CLASP2: variants seen among roughly 807,000 people sequenced by gnomAD.
CLASP2 encodes the protein cytoplasmic linker associated protein 2.
In CLASP2, 47 loss-of-function variants were observed where a neutral mutation model predicts 194.4. The ratio of observed to expected loss-of-function variants is 0.24; its 90% confidence interval spans 0.19 to 0.31. The LOEUF is 0.31. CLASP2 is among the 10% of genes least tolerant of loss of function. The probability of loss-of-function intolerance (pLI) is 1.00; values close to 1 mark genes in which losing one functional copy is unlikely to be tolerated. For synonymous variants in CLASP2, 619 were observed against 633.5 expected, an observed-to-expected ratio of 0.98 and a Z score of 0.34; for missense variants, 1,445 against 1,823.6, an observed-to-expected ratio of 0.79 and a Z score of 3.78.
At chr3:33,586,275 T>C (rs2067341016) in intron 21 of CLASP2, among the ~76,000 whole-genome samples, 1 of 152,094 alleles carries the variant, frequency 6.6e-6, no homozygotes, top group Non-Finnish European at 1.5e-5. Flanking sequence ...GGTGGGATTA[T>C]AGGCTCCTGC....
chr3:33,585,541 A>C (rs1411731776), intron 21 of CLASP2, among the ~76,000 whole-genome samples: 3 of 152,226 alleles, frequency 2.0e-5, no homozygotes, highest in African/African-American at 7.2e-5. Context: ...ACCTAAACAC[A>C]GAAAAGGTAC....
At chr3:33,670,550 C>T (rs1559589338) in intron 6 of CLASP2, among the ~76,000 whole-genome samples, 1 of 152,204 alleles carries the variant, frequency 6.6e-6, no homozygotes, top group Non-Finnish European at 1.5e-5. Flanking sequence ...ATCAACAACT[C>T]TTCTTAGATC....
At chr3:33,529,839 G>A (rs1314803296) in intron 34 of CLASP2, among the ~76,000 whole-genome samples, 5 of 151,892 alleles carry the variant, frequency 3.3e-5, no homozygotes, top group African/African-American at 9.7e-5. Flanking sequence ...AAAGCCGGGC[G>A]CAGTGGCGGG....
chr3:33,551,293 T>C lies in CLASP2; in HGVS notation c.3112A>G (p.Ile1038Val), dbSNP rs2059973990. Residue 1038 changes from isoleucine (I) to valine (V), a missense_variant, in exon 30 of 39, where the codon ATC (isoleucine) becomes GTC (valine). Physicochemically the swap from Ile to Val is conservative, Grantham distance 29. Transcript: ENST00000682230. ...SETRLAVSRV[I>V]TWTTEPKSSD... ...CTTTTGGGTTCTGTTGTCCAAGTGA[T>C]GACCCGAGACACTGCTAGGCGAGTT... 1 of 1,613,530 alleles carries C rather than the reference T, an allele frequency of 6.2e-7. No individual in the cohort carries two copies. The highest frequency in any genetic ancestry group is 8.5e-7 in the Non-Finnish European group (1 of 1,179,702).
intron 33 of CLASP2, among the ~76,000 whole-genome samples, chr3:33,536,015 T>A (rs1278194996): frequency 2.6e-5 from 4 of 151,974 alleles, no homozygotes; most frequent in Non-Finnish European, 4.4e-5. Flanking sequence ...AATATGAATA[T>A]GAATATTGAT....
At chr3:33,605,682 G>A (rs946123488) in intron 16 of CLASP2, among the ~76,000 whole-genome samples, 1 of 152,060 alleles carries the variant, frequency 6.6e-6, no homozygotes, top group Admixed American at 6.5e-5. Context: ...GCAGTGGCAC[G>A]ATCTCAGCTC....
At chr3:33,626,542 T>C (rs2078081483) in intron 10 of CLASP2, among the ~76,000 whole-genome samples, 1 of 152,088 alleles carries the variant, frequency 6.6e-6, no homozygotes, top group Non-Finnish European at 1.5e-5. Flanking sequence ...CACATTCACA[T>C]GAGAAGAAAA....
chr3:33,596,762 G>C (rs1560220104), intron 18 of CLASP2, 28 bp from the exon 19 acceptor site: 7 of 1,532,198 alleles, frequency 4.6e-6, no homozygotes, highest in Non-Finnish European at 5.3e-6. Context: ...GCAAAGAACA[G>C]AGGAAAACTT....
At chr3:33,592,772 C>T (rs1346827432) in intron 20 of CLASP2, 2 of 403,962 alleles carry the variant, frequency 5.0e-6, no homozygotes, top group Non-Finnish European at 9.1e-6. Flanking sequence ...TTAAGATAAT[C>T]ACCATAAGCA....
intron 19 of CLASP2, among the ~76,000 whole-genome samples, chr3:33,595,294 C>T (rs1022430572): frequency 6.6e-5 from 10 of 152,028 alleles, no homozygotes; most frequent in Admixed American, 2.6e-4. Context: ...AAATGTAACT[C>T]TGTAATTACT....
intron 32 of CLASP2, 137 bp from the exon 33 acceptor site, chr3:33,539,079 A>G (rs1011607018): frequency 1.5e-5 from 9 of 588,364 alleles, no homozygotes; most frequent in Non-Finnish European, 2.1e-5. Flanking sequence ...CAAAATAAAA[A>G]ATAGCAGCTA....
intron 12 of CLASP2, among the ~76,000 whole-genome samples, chr3:33,617,949 A>ATT (rs1330034370): frequency 2.4e-5 from 3 of 123,064 alleles, no homozygotes; most frequent in Admixed American, 8.2e-5. Flanking sequence ...ATATATATAT[A>ATT]TATTTTTTTT....
At chr3:33,516,546 A>G (rs2051368731) in intron 35 of CLASP2, among the ~76,000 whole-genome samples, 1 of 152,072 alleles carries the variant, frequency 6.6e-6, no homozygotes, top group African/African-American at 2.4e-5. Context: ...ACGTGCTTAT[A>G]ATCCCAGCTA....
intron 8 of CLASP2, among the ~76,000 whole-genome samples, chr3:33,638,340 C>T (rs892819736): frequency 2.0e-5 from 3 of 151,644 alleles, no homozygotes; most frequent in South Asian, 2.1e-4. Context: ...AGTCTCGCTC[C>T]GTCGCCCAGG....
chr3:33,577,346 GTTAGTTAACACTGGTGTTATTCT>G, intron 23 of CLASP2: 1 of 1,122,214 alleles, frequency 8.9e-7, no homozygotes, highest in Admixed American at 1.8e-5. Context: ...GGCAAGGAGA[GTTAGTTAACACTGGTGTTATTCT>G]TTATAGTTAA....
chr3:33,518,250 T>G (rs1216984620), intron 34 of CLASP2, among the ~76,000 whole-genome samples: 1 of 152,228 alleles, frequency 6.6e-6, no homozygotes, highest in African/African-American at 2.4e-5. Flanking sequence ...TACAAACTCA[T>G]GGATTTTATA....
intron 36 of CLASP2, among the ~76,000 whole-genome samples, chr3:33,513,013 AAAC>A (rs1177366079): frequency 6.6e-6 from 1 of 151,900 alleles, no homozygotes; most frequent in African/African-American, 2.4e-5. Flanking sequence ...CCAACCAACC[AAAC>A]AAACAAAAAA....
chr3:33,540,766 T>C (rs2058210415), intron 32 of CLASP2, among the ~76,000 whole-genome samples: 1 of 149,960 alleles, frequency 6.7e-6, no homozygotes. Context: ...TAACTATAAA[T>C]ACCAACTCTT....
chr3:33,685,000 T>A (rs2090430260), intron 5 of CLASP2, among the ~76,000 whole-genome samples: 1 of 139,992 alleles, frequency 7.1e-6, no homozygotes, highest in African/African-American at 2.8e-5. Context: ...AGACTCCATC[T>A]CAAAATAAAT....
Sources: allele counts gnomAD v4.1 joint callset (sites outside exome capture counted in the v4.1 genomes callset), GRCh38; gene constraint gnomAD v4.1.1; transcripts MANE v1.5; gene names NCBI Gene and HGNC (gene_info 2026-07-23, HGNC 2026-07-21).